ATP10B: variants seen among roughly 807,000 people sequenced by gnomAD.
ATP10B encodes ATPase phospholipid transporting 10B (putative).
Under a neutral mutation model 141.2 loss-of-function variants are expected in ATP10B, and 122 were observed. The observed-to-expected ratio is 0.86, with a 90% CI of 0.75 to 1.00. The LOEUF (loss-of-function observed/expected upper bound fraction) is 1.00. Ranked by LOEUF, ATP10B falls within the 50% of genes least tolerant of loss-of-function variation. The pLI, the probability that ATP10B is intolerant of heterozygous loss-of-function variation, is 0.00. For missense variants in ATP10B, 1,876 were observed against 1,825.3 expected (o/e 1.03, Z -0.51); for synonymous variants, 685 against 692.0 (o/e 0.99, Z 0.16).
At chr5:160,688,978 C>T in intron 3 of ATP10B, 35 bp from the exon 4 acceptor site, 1 of 979,560 alleles carries the variant, frequency 1.0e-6, no homozygotes, top group Non-Finnish European at 1.2e-6. Flanking sequence ...AGATGGTCTG[C>T]CCAGGTGGCA....
intron 1 of ATP10B, among the ~76,000 whole-genome samples, chr5:160,824,585 A>G (rs1774431162): frequency 6.6e-6 from 1 of 152,116 alleles, no homozygotes; most frequent in Non-Finnish European, 1.5e-5. Context: ...GGTGTAGCCT[A>G]CTACACACCT....
chr5:160,598,051 A>G (rs7381162), intron 22 of ATP10B, among the ~76,000 whole-genome samples: 84,125 of 99,912 alleles, frequency 0.84, 36,611 homozygotes, highest in African/African-American at 0.96. Flanking sequence ...TATACCCAAA[A>G]GACTATAAAT....
At chr5:160,904,555 C>A in the ATP10B span, among the ~76,000 whole-genome samples, 6 of 152,112 alleles carry the variant, frequency 3.9e-5, no homozygotes, top group South Asian at 1.2e-3. Flanking sequence ...AATGTGATAC[C>A]TTGTCAAGAC....
At chr5:160,592,862 AG>A (rs1756416010) in intron 22 of ATP10B, among the ~76,000 whole-genome samples, 1 of 152,184 alleles carries the variant, frequency 6.6e-6, no homozygotes, top group Non-Finnish European at 1.5e-5. Context: ...AGGCTGGGGG[AG>A]GGGCGCCTGC....
chr5:160,755,966 A>G (rs903652962), intron 2 of ATP10B, among the ~76,000 whole-genome samples: 12 of 149,034 alleles, frequency 8.1e-5, no homozygotes, highest in African/African-American at 2.7e-4. Flanking sequence ...TAAAGTGAAC[A>G]ATCTGATGAG....
chr5:160,625,753 G>C (rs1280343257), intron 13 of ATP10B, among the ~76,000 whole-genome samples: 1 of 152,214 alleles, frequency 6.6e-6, no homozygotes, highest in Non-Finnish European at 1.5e-5. Flanking sequence ...TATGAGGGCA[G>C]AGACTGTCTC....
rs1326327300 is a variant in ATP10B at position 160,667,693 on chromosome 5, C to T, written c.675+2770G>A. 5.3e-5 allele frequency among the ~76,000 whole-genome samples: 8 copies of T among 152,076 alleles called. No individual in the cohort carries two copies. In the East Asian group the frequency reaches 1.2e-3, roughly 22 times the overall value. ...CATTAAATAGGCTGGTCTATAGCAC[C>T]GGAGTGTGAATGACCCTTTTACCTG... On this transcript the variant is annotated intron_variant, in intron 7 of 25. Transcript: ENST00000327245.
At chr5:160,867,525 A>T in the ATP10B span, among the ~76,000 whole-genome samples, 4,379 of 152,280 alleles carry the variant, frequency 0.029, 173 homozygotes, top group South Asian at 0.17. Flanking sequence ...ATGTCAAGGA[A>T]CTAAATCTCA....
the ATP10B span, among the ~76,000 whole-genome samples, chr5:160,884,716 T>A: frequency 2.6e-5 from 4 of 152,118 alleles, no homozygotes; most frequent in African/African-American, 7.2e-5. Flanking sequence ...TTTTAAAAAA[T>A]TTAAGTGAAA....
upstream of ATP10B, among the ~76,000 whole-genome samples, chr5:160,856,357 G>T (rs1263469176): frequency 2.0e-5 from 3 of 151,724 alleles, no homozygotes; most frequent in African/African-American, 7.2e-5. Context: ...TGTTTATCTT[G>T]TATTCTGCAA....
At chr5:160,895,546 C>T in the ATP10B span, among the ~76,000 whole-genome samples, 2 of 152,120 alleles carry the variant, frequency 1.3e-5, no homozygotes, top group African/African-American at 2.4e-5. Flanking sequence ...AAGATTCATA[C>T]AGCAAGTTCT....
At chr5:160,773,251 G>A (rs907456699) in intron 2 of ATP10B, among the ~76,000 whole-genome samples, 11 of 152,160 alleles carry the variant, frequency 7.2e-5, no homozygotes, top group Middle Eastern at 3.2e-3. Flanking sequence ...AAAAATAGTC[G>A]TAGTCTTAGC....
chr5:160,824,052 G>A (rs1191856208), intron 1 of ATP10B, among the ~76,000 whole-genome samples: 1 of 151,664 alleles, frequency 6.6e-6, no homozygotes. Context: ...GACGGAGTCT[G>A]GCTCTGTCAC....
chr5:160,773,429 G>A (rs1770052531), intron 2 of ATP10B, among the ~76,000 whole-genome samples: 1 of 152,112 alleles, frequency 6.6e-6, no homozygotes, highest in Admixed American at 6.5e-5. Context: ...ATGTTCAGTC[G>A]GAATTGGGAC....
intron 1 of ATP10B, among the ~76,000 whole-genome samples, chr5:160,811,082 C>A (rs567295712): frequency 6.6e-6 from 1 of 152,316 alleles, no homozygotes; most frequent in Admixed American, 6.5e-5. Flanking sequence ...AGAAGGGAAT[C>A]TCTGCCTTGA....
At chr5:160,586,106 G>A (rs1481133598) in intron 24 of ATP10B, among the ~76,000 whole-genome samples, 1 of 152,070 alleles carries the variant, frequency 6.6e-6, no homozygotes, top group Admixed American at 6.5e-5. Flanking sequence ...TTAGGTATTT[G>A]TCCTAATGCT....
At chr5:160,678,698 C>T (rs1039038347) in intron 6 of ATP10B, among the ~76,000 whole-genome samples, 1 of 152,166 alleles carries the variant, frequency 6.6e-6, no homozygotes, top group African/African-American at 2.4e-5. Context: ...ATGGTGCAGG[C>T]ACTGAGCTAA....
intron 3 of ATP10B, among the ~76,000 whole-genome samples, chr5:160,697,732 AATACATG>A (rs1205408863): frequency 2.6e-5 from 4 of 152,176 alleles, no homozygotes; most frequent in Admixed American, 1.3e-4. Flanking sequence ...AGATAATTAA[AATACATG>A]ATAAATGTAA....
chr5:160,574,801 C>CTTTTTTTTT (rs35450287), intron 24 of ATP10B, among the ~76,000 whole-genome samples: 2 of 140,932 alleles, frequency 1.4e-5, no homozygotes, highest in African/African-American at 5.3e-5. Context: ...CAGCATTCAT[C>CTTTTTTTTT]TTTTTTTTTT....
Sources: allele counts gnomAD v4.1 joint callset (sites outside exome capture counted in the v4.1 genomes callset), GRCh38; gene constraint gnomAD v4.1.1; transcripts MANE v1.5; gene names NCBI Gene and HGNC (gene_info 2026-07-23, HGNC 2026-07-21).